Variants in LAMA2 observed in about 807,000 individuals in gnomAD.
LAMA2 encodes laminin subunit alpha 2, also known as laminin subunit alpha-2.
A neutral mutation model predicts 364.8 loss-of-function variants in LAMA2; 269 were observed. The ratio of observed to expected loss-of-function variants is 0.74; its 90% CI spans 0.67 to 0.82. The LOEUF (loss-of-function observed/expected upper bound fraction) is 0.82. LAMA2 is among the 40% of genes least tolerant of loss of function. LAMA2 has a pLI of 0.00. For missense variants in LAMA2, 3,807 were observed against 3,873.2 expected, an observed-to-expected ratio of 0.98 and a Z score of 0.45; for synonymous variants, 1,379 against 1,370.6, an observed-to-expected ratio of 1.01 and a Z score of -0.14.
chr6:128,990,443 C>A (rs1249367355), intron 1 of LAMA2, among the ~76,000 whole-genome samples: 1 of 152,092 alleles, frequency 6.6e-6, no homozygotes, highest in Non-Finnish European at 1.5e-5. Context: ...GCATTTAGAG[C>A]CTGGCTTGCT....
chr6:129,117,764 C>T (rs1159637050), intron 4 of LAMA2, among the ~76,000 whole-genome samples: 1 of 152,176 alleles, frequency 6.6e-6, no homozygotes, highest in African/African-American at 2.4e-5. Context: ...TAAACCTTTA[C>T]AGTAACCTCA....
At chr6:129,451,253 A>G (rs1782660997) in intron 45 of LAMA2, among the ~76,000 whole-genome samples, 1 of 152,202 alleles carries the variant, frequency 6.6e-6, no homozygotes, top group Non-Finnish European at 1.5e-5. Context: ...TGTATGTAGA[A>G]GGGAAATTCC....
At chr6:129,347,578 C>T (rs1285941684) in intron 30 of LAMA2, among the ~76,000 whole-genome samples, 1 of 152,128 alleles carries the variant, frequency 6.6e-6, no homozygotes, top group Non-Finnish European at 1.5e-5. Flanking sequence ...TAGGAGATGA[C>T]ACAGAGAGCA....
intron 1 of LAMA2, among the ~76,000 whole-genome samples, chr6:129,042,889 C>G (rs1455834686): frequency 1.3e-5 from 2 of 152,050 alleles, no homozygotes; most frequent in East Asian, 3.9e-4. Context: ...TTTAAATACA[C>G]CACAGTTTTT....
intron 1 of LAMA2, among the ~76,000 whole-genome samples, chr6:129,014,747 C>G (rs974805683): frequency 7.2e-5 from 11 of 152,006 alleles, no homozygotes; most frequent in African/African-American, 2.4e-4. Context: ...GACATGTATT[C>G]AAACCTCAGC....
chr6:129,437,911 A>G (rs1208925731), intron 41 of LAMA2, among the ~76,000 whole-genome samples: 4 of 151,866 alleles, frequency 2.6e-5, no homozygotes, highest in African/African-American at 7.2e-5. Flanking sequence ...TACTATTACA[A>G]TATAAATTAA....
Position 129,312,179 on chromosome 6 carries a change from A to T in LAMA2, c.3175-682A>T, listed in dbSNP as rs1305184873. Among the ~76,000 whole-genome samples the T allele has an allele frequency of 2.0e-5, 3 of 152,058 alleles. No individual in the cohort carries two copies. The East Asian group carries it at 5.8e-4, about 29-fold the overall frequency. ...AAAAAAAAAAACAAACCCAAGCTTC[A>T]GAAAATTCTAGCAAAAATATGAATT... On this transcript the variant is annotated intron_variant, in intron 22 of 64. Coordinates refer to ENST00000421865, the MANE Select transcript of LAMA2 (RefSeq NM_000426.4).
chr6:129,380,893 A>G (rs1450960219), intron 34 of LAMA2, among the ~76,000 whole-genome samples: 1 of 152,244 alleles, frequency 6.6e-6, no homozygotes, highest in Non-Finnish European at 1.5e-5. Context: ...CTTACACATT[A>G]CTACGTAAAT....
chr6:128,950,090 C>T (rs958004763), intron 1 of LAMA2, among the ~76,000 whole-genome samples: 3 of 151,948 alleles, frequency 2.0e-5, no homozygotes, highest in East Asian at 1.9e-4. Context: ...ACAATATGCC[C>T]GGGACTGTAC....
intron 7 of LAMA2, among the ~76,000 whole-genome samples, chr6:129,153,315 T>C (rs944276139): frequency 6.6e-6 from 1 of 152,174 alleles, no homozygotes; most frequent in Non-Finnish European, 1.5e-5. Flanking sequence ...GACCACTCCA[T>C]GTATTATATG....
chr6:129,494,485 A>G (rs139662440), intron 58 of LAMA2, among the ~76,000 whole-genome samples: 26 of 152,364 alleles, frequency 1.7e-4, no homozygotes, highest in African/African-American at 6.3e-4. Flanking sequence ...ATACCCACAT[A>G]GACACTCTGA....
intron 12 of LAMA2, among the ~76,000 whole-genome samples, chr6:129,197,516 G>T (rs1024027707): frequency 6.6e-6 from 1 of 152,168 alleles, no homozygotes. Flanking sequence ...TTTCTGGGCC[G>T]AACCAATGTG....
chr6:129,082,552 G>A (rs114722850), intron 3 of LAMA2, among the ~76,000 whole-genome samples: 493 of 152,150 alleles, frequency 3.2e-3, no homozygotes, highest in African/African-American at 0.011. Context: ...TCTGTTTTGA[G>A]AATGCACATA....
chr6:129,379,389 T>TA (rs1353992099), intron 34 of LAMA2, among the ~76,000 whole-genome samples: 2 of 151,704 alleles, frequency 1.3e-5, no homozygotes, highest in East Asian at 3.9e-4. Context: ...ACTTAAAAGT[T>TA]AAAAAAATAT....
At chr6:129,456,782 A>T (rs1384808305) in intron 48 of LAMA2, among the ~76,000 whole-genome samples, 2 of 152,140 alleles carry the variant, frequency 1.3e-5, no homozygotes, top group Non-Finnish European at 2.9e-5. Context: ...TCAAGAGCAA[A>T]GTGTTTTTTA....
intron 42 of LAMA2, among the ~76,000 whole-genome samples, chr6:129,440,009 A>G (rs1782027122): frequency 6.6e-6 from 1 of 152,024 alleles, no homozygotes; most frequent in South Asian, 2.1e-4. Flanking sequence ...ATAAGTTAGC[A>G]CTAACACTTA....
intron 4 of LAMA2, among the ~76,000 whole-genome samples, chr6:129,102,071 A>G (rs1229744784): frequency 6.7e-6 from 1 of 149,468 alleles, no homozygotes; most frequent in Non-Finnish European, 1.5e-5. Context: ...AGGATTCTTA[A>G]TTTCATATAT....
intron 1 of LAMA2, among the ~76,000 whole-genome samples, chr6:129,045,349 A>T (rs1182514077): frequency 6.6e-6 from 1 of 152,178 alleles, no homozygotes; most frequent in Non-Finnish European, 1.5e-5. Flanking sequence ...GGGATAAGTT[A>T]TTTGTTTTAT....
At chr6:129,249,299 T>TA (rs1562377234) in intron 12 of LAMA2, among the ~76,000 whole-genome samples, 2 of 152,216 alleles carry the variant, frequency 1.3e-5, no homozygotes, top group East Asian at 1.9e-4. Context: ...AGTGGAATTT[T>TA]AAAAAAAGGA....
Sources: gnomAD v4.1 joint callset for allele counts (sites outside exome capture counted in the v4.1 genomes callset) on GRCh38, gnomAD v4.1.1 for gene constraint, MANE v1.5 for transcripts, NCBI Gene and HGNC (gene_info 2026-07-23, HGNC 2026-07-21) for gene names.